SCYL3: variants seen among roughly 807,000 people sequenced by gnomAD.
The protein encoded by SCYL3 is SCY1 like pseudokinase 3, also known as protein-associating with the carboxyl-terminal domain of ezrin.
Under a neutral mutation model 73.8 loss-of-function variants are expected in SCYL3, and 35 were observed. The ratio of observed to expected loss-of-function variants is 0.47; its 90% CI spans 0.36 to 0.63. The LOEUF is 0.63. SCYL3 is among the 20% of genes least tolerant of loss of function. The pLI is 0.00. For synonymous variants in SCYL3, 277 were observed against 295.2 expected, an observed-to-expected ratio of 0.94 and a Z score of 0.63; for missense variants, 712 against 798.9, an observed-to-expected ratio of 0.89 and a Z score of 1.31.
intron 11 of SCYL3, among the ~76,000 whole-genome samples, chr1:169,857,540 T>C (rs1306486081): frequency 3.9e-5 from 6 of 152,188 alleles, no homozygotes; most frequent in African/African-American, 1.4e-4. Flanking sequence ...TTTGTAGGGA[T>C]TAAAAATCCA....
intron 2 of SCYL3, among the ~76,000 whole-genome samples, chr1:169,882,241 G>A (rs1661327662): frequency 1.3e-5 from 2 of 152,250 alleles, no homozygotes; most frequent in South Asian, 4.1e-4. Flanking sequence ...GCAATGAGGT[G>A]CTTAGCACCT....
At position 169,850,088 on chromosome 1, in the gene SCYL3, T is replaced by G. The variant is rs1221389536; in HGVS notation, c.*3625A>C. 1.7e-6 allele frequency: 1 copy of G among 585,416 alleles called. No individual in the cohort carries two copies. The highest frequency in any genetic ancestry group is 3.0e-5 in the Admixed American group (1 of 33,498). The allele number at this position is 585,416 out of a possible 1,614,324, so 36.3% of individuals were successfully genotyped here. ...AAGCTTACAACACTTGTACAGAAGT[T>G]AATTTTGTATTATCCTTAGGGACCC... On this transcript the variant is annotated 3_prime_UTR_variant, in exon 13 of 13. Coordinates refer to ENST00000367771, the MANE Select transcript of SCYL3 (RefSeq NM_020423.7).
chr1:169,882,742 G>A (rs551065416), intron 2 of SCYL3, among the ~76,000 whole-genome samples: 236 of 152,264 alleles, frequency 1.5e-3, no homozygotes, highest in Non-Finnish European at 2.8e-3. Flanking sequence ...AGCTACTCTG[G>A]TGGGGACTTG....
chr1:169,873,069 G>C lies in SCYL3; in HGVS notation c.522+627C>G, dbSNP rs1025571777. 7.9e-5 allele frequency among the ~76,000 whole-genome samples: 12 copies of C among 152,294 alleles called. No individual in the cohort carries two copies. The East Asian group carries it at 2.3e-3, about 29-fold the overall frequency. On this transcript the variant is annotated intron_variant, in intron 5 of 12. Transcript: ENST00000367771. ...AGGACATGAGACTGGGGAGGGGCCA[G>C]GGGAGGAATGATGTGGTTTGGCTGT...
In SCYL3 at chr1:169,852,134, TTCAG is replaced by T. The variant is rs1368405385; in HGVS notation, c.*1575_*1578del. 3.9e-5 allele frequency: 26 copies of T among 664,566 alleles called. No homozygotes were observed. Among genetic ancestry groups the T allele is most frequent in the Non-Finnish European group, 6.3e-5 (25 of 393,792 alleles). The allele number at this position is 664,566 out of a possible 1,614,324, so 41.2% of individuals were successfully genotyped here. A position where few individuals can be genotyped will look rare whatever the true frequency, so the allele number is the denominator to read the frequency against. On this transcript the variant is annotated 3_prime_UTR_variant, in exon 13 of 13. Transcript: ENST00000367771. ...GACTACACCATATCAAATATATTCT[TTCAG>T]TATGTTTGAATTATTGGTAGTAACC... is the stretch of plus-strand genomic sequence containing the variant.
rs1658538217 is a variant in SCYL3 at position 169,852,652 on chromosome 1, G to C, written c.*1061C>G. ...CATATTTTTCTAGATGACTGTGTAG[G>C]GGTTTTGGGGTGCATCCTCCTACCC... On this transcript the variant is annotated 3_prime_UTR_variant, in exon 13 of 13. Transcript: ENST00000367771. 1 of 804,268 alleles carries C rather than the reference G, an allele frequency of 1.2e-6. No homozygotes were observed. The highest frequency in any genetic ancestry group is 2.0e-6 in the Non-Finnish European group (1 of 509,000). The allele number at this position is 804,268 out of a possible 1,614,324, so 49.8% of individuals were successfully genotyped here.
chr1:169,875,756 G>A (rs950268821), intron 4 of SCYL3, among the ~76,000 whole-genome samples: 17 of 152,146 alleles, frequency 1.1e-4, no homozygotes, highest in Admixed American at 9.2e-4. Flanking sequence ...ACCTCTCTCC[G>A]TCTCAGGTTT....
chr1:169,867,725 G>A (rs1207545759), intron 7 of SCYL3, among the ~76,000 whole-genome samples: 1 of 152,232 alleles, frequency 6.6e-6, no homozygotes, highest in African/African-American at 2.4e-5. Flanking sequence ...CTCTGTAAGA[G>A]ATGCTGACCC....
chr1:169,850,277 G>A lies in SCYL3; in HGVS notation c.*3436C>T. On this transcript the variant is annotated 3_prime_UTR_variant, in exon 13 of 13. Transcript: ENST00000367771. ...AATTTTTTAATAGGGAACAAATCAT[G>A]AAGAGATAGTTCCACAGTGTCTCAG... The A allele has an allele frequency of 6.2e-7, 1 of 1,608,374 alleles. No homozygotes were observed. Among genetic ancestry groups the A allele is most frequent in the Non-Finnish European group, 8.5e-7 (1 of 1,175,460 alleles).
intron 11 of SCYL3, chr1:169,855,937 A>C (rs760511682): frequency 2.0e-5 from 33 of 1,613,632 alleles, no homozygotes; most frequent in African/African-American, 2.7e-5. Context: ...TGATGGCTGC[A>C]GACGACACAC....
intron 1 of SCYL3, among the ~76,000 whole-genome samples, chr1:169,891,774 G>C (rs1571471281): frequency 6.6e-6 from 1 of 152,158 alleles, no homozygotes; most frequent in African/African-American, 2.4e-5. Flanking sequence ...AGTCACCAGA[G>C]GCAAGAGAAA....
chr1:169,870,233 C>G, intron 6 of SCYL3, 22 bp downstream of exon 6: 1 of 1,486,814 alleles, frequency 6.7e-7, no homozygotes, highest in Non-Finnish European at 9.4e-7. Flanking sequence ...TCTATAGATG[C>G]AGTAGTATAA....
chr1:169,855,951 G>A, intron 11 of SCYL3: 1 of 1,610,976 alleles, frequency 6.2e-7, no homozygotes, highest in East Asian at 2.2e-5. Context: ...GACACACATA[G>A]GAGAATCTGA....
At chr1:169,893,485 C>T (rs1170064740) in intron 1 of SCYL3, among the ~76,000 whole-genome samples, 1 of 152,162 alleles carries the variant, frequency 6.6e-6, no homozygotes, top group Non-Finnish European at 1.5e-5. Flanking sequence ...CCTTCCACAC[C>T]TCCCTGCGAG....
chr1:169,862,949 G>C, intron 9 of SCYL3, 152 bp from the exon 10 acceptor site: 1 of 719,508 alleles, frequency 1.4e-6, no homozygotes, highest in Admixed American at 2.8e-5. Flanking sequence ...GTCTCACTCT[G>C]TCACCCATGC....
intron 2 of SCYL3, among the ~76,000 whole-genome samples, chr1:169,887,185 G>T (rs190613507): frequency 6.0e-4 from 92 of 152,244 alleles, no homozygotes; most frequent in Non-Finnish European, 1.1e-3. Context: ...GCCACAGAAT[G>T]GCTTAACAAG....
rs75734864 is a variant in SCYL3 at position 169,879,336 on chromosome 1, T to C, written c.166-517A>G. On this transcript the variant is annotated intron_variant, in intron 2 of 12. Coordinates refer to ENST00000367771, the MANE Select transcript of SCYL3 (RefSeq NM_020423.7). ...ACCATCTTTCTGGCTGAAAGAACGA[T>C]AGAAAAGAACCAAGGAAGGTGAGTA... Among the ~76,000 whole-genome samples the C allele has an allele frequency of 8.6e-3, 1,302 of 152,174 alleles. 22 individuals carry two copies. Among genetic ancestry groups the C allele is most frequent in the African/African-American group, 0.03 (1,241 of 41,520 alleles).
Position 169,849,734 on chromosome 1 carries a change from T to TA in SCYL3, c.*3978dup. The TA allele has an allele frequency of 1.5e-6, 1 of 685,686 alleles. No homozygotes were observed. The highest frequency in any genetic ancestry group is 2.5e-6 in the Non-Finnish European group (1 of 404,762). 42.5% of individuals were successfully genotyped at this position (685,686 alleles called of 1,614,324 possible). A position where few individuals can be genotyped will look rare whatever the true frequency, so the allele number is the denominator to read the frequency against. On this transcript the variant is annotated 3_prime_UTR_variant, in exon 13 of 13. Coordinates refer to ENST00000367771, the MANE Select transcript of SCYL3 (RefSeq NM_020423.7). ...TCGGAAAATTGTCTGAAGGGTACAT[T>TA]ACTCGTTATCTCTTTTACAGCTTCT...
intron 1 of SCYL3, among the ~76,000 whole-genome samples, chr1:169,891,318 A>G (rs1483190314): frequency 6.6e-6 from 1 of 152,194 alleles, no homozygotes; most frequent in African/African-American, 2.4e-5. Context: ...ACTACTATCC[A>G]TCTCAAGACT....
Sources: gnomAD v4.1 joint callset for allele counts (sites outside exome capture counted in the v4.1 genomes callset) on GRCh38, gnomAD v4.1.1 for gene constraint, MANE v1.5 for transcripts, NCBI Gene and HGNC (gene_info 2026-07-23, HGNC 2026-07-21) for gene names.